PALM2AKAP2: variants seen among roughly 807,000 people sequenced by gnomAD.
PALM2AKAP2 encodes the protein PALM2 and AKAP2 fusion.
Under a neutral mutation model 71.5 loss-of-function variants are expected in PALM2AKAP2, and 37 were observed. That is an observed-to-expected ratio of 0.52 (90% CI 0.40 to 0.68). The LOEUF (loss-of-function observed/expected upper bound fraction) is 0.68, where lower values mean the gene tolerates loss of function less well. Ranked by LOEUF, PALM2AKAP2 falls within the 30% of genes least tolerant of loss-of-function variation. PALM2AKAP2 has a pLI of 0.00. For missense variants in PALM2AKAP2, 1,224 were observed against 1,191.8 expected (o/e 1.03, Z -0.40); for synonymous variants, 468 against 478.8 (o/e 0.98, Z 0.29).
At chr9:110,030,155 A>G (rs1344055876) in intron 7 of PALM2AKAP2, among the ~76,000 whole-genome samples, 3 of 152,244 alleles carry the variant, frequency 2.0e-5, no homozygotes, top group African/African-American at 7.2e-5. Flanking sequence ...AGATGGTTAT[A>G]TACCCTTCTT....
rs138319874 is a variant in PALM2AKAP2 at position 109,773,491 on chromosome 9, A to G, written c.6-6997A>G. ...ACCAGTCAGCATGTCCCTAAGCCCTACTTTTGAAGTATTTTATTTCACTGT... is the reference window on the plus strand; with the variant it reads ...ACCAGTCAGCATGTCCCTAAGCCCTGCTTTTGAAGTATTTTATTTCACTGT... On this transcript the variant is annotated intron_variant, in intron 1 of 6. Coordinates refer to the PALM2AKAP2 transcript ENST00000374531. 4.1e-4 allele frequency among the ~76,000 whole-genome samples: 62 copies of G among 152,268 alleles called. No homozygotes were observed. The East Asian group carries it at 0.011, about 26-fold the overall frequency.
chr9:110,135,164 A>AAAAAAAAAAAAAAAATAT, intron 1 of PALM2AKAP2, among the ~76,000 whole-genome samples: 13 of 51,728 alleles, frequency 2.5e-4, no homozygotes, highest in Admixed American at 4.3e-4. Flanking sequence ...AAAAAAAAAA[A>AAAAAAAAAAAAAAAATAT]ATATATAAAT....
At chr9:109,747,898 T>C (rs1267425111) in intron 1 of PALM2AKAP2, among the ~76,000 whole-genome samples, 2 of 152,340 alleles carry the variant, frequency 1.3e-5, no homozygotes, top group Middle Eastern at 3.4e-3. Context: ...CTTGAACTCC[T>C]GAGCTGAAGC....
rs115747591 is a variant in PALM2AKAP2, at chr9:109,648,838, G to T, written c.5+7972G>T. Among the ~76,000 whole-genome samples the T allele has an allele frequency of 4.0e-3, 604 of 152,268 alleles. 3 individuals are homozygous for T. The highest frequency in any genetic ancestry group is 0.014 in the African/African-American group (579 of 41,544). On this transcript the variant is annotated intron_variant, in intron 1 of 6. Transcript: ENST00000374531. ...GTTAAAAGGGTTTGTTTTCAAACAG[G>T]GCCAAAGTGTATTAAATTCTAAATG...
Position 110,166,700 on chromosome 9 carries a change from A to G in PALM2AKAP2, c.2749-1699A>G, listed in dbSNP as rs564706720. 3.5e-4 allele frequency among the ~76,000 whole-genome samples: 54 copies of G among 152,290 alleles called. 1 individual carries two copies. The highest frequency in any genetic ancestry group is 1.2e-3 in the African/African-American group (49 of 41,568). On this transcript the variant is annotated intron_variant, in intron 3 of 3. Coordinates refer to ENST00000374525, the Ensembl canonical transcript of PALM2AKAP2. ...TTCAGCAAACGTGACTGAGGAGGAA[A>G]AGGGGAGGCTTCACAGAGGAAGATA...
chr9:109,817,809 C>T (rs536834548), intron 1 of PALM2AKAP2, among the ~76,000 whole-genome samples: 1 of 152,294 alleles, frequency 6.6e-6, no homozygotes, highest in Non-Finnish European at 1.5e-5. Flanking sequence ...TCCTGGCCCC[C>T]TCCCTCAATT....
intron 1 of PALM2AKAP2, among the ~76,000 whole-genome samples, chr9:109,840,217 A>C (rs902413107): frequency 4.6e-5 from 7 of 152,146 alleles, no homozygotes; most frequent in Non-Finnish European, 7.4e-5. Flanking sequence ...TACCACACAT[A>C]TGCAACCATC....
intron 6 of PALM2AKAP2, among the ~76,000 whole-genome samples, chr9:109,938,983 C>T (rs1016203134): frequency 7.2e-5 from 11 of 151,970 alleles, no homozygotes; most frequent in Admixed American, 3.3e-4. Flanking sequence ...GAGACAAAGT[C>T]GCACCGCTGC....
intron 1 of PALM2AKAP2, among the ~76,000 whole-genome samples, chr9:109,724,824 T>C (rs1054327278): frequency 6.6e-6 from 1 of 152,248 alleles, no homozygotes; most frequent in African/African-American, 2.4e-5. Context: ...AATAAAATGG[T>C]CTTTCTGCAG....
chr9:110,044,344 C>CTTTCTTTTTTTTTT (rs1447796273), upstream of PALM2AKAP2, among the ~76,000 whole-genome samples: 1 of 80,154 alleles, frequency 1.2e-5, no homozygotes, highest in African/African-American at 5.6e-5. Flanking sequence ...TTCTTTCTTT[C>CTTTCTTTTTTTTTT]TTTTTTTTTT....
chr9:110,084,568 G>T (rs1229543990), intron 1 of PALM2AKAP2, among the ~76,000 whole-genome samples: 1 of 152,008 alleles, frequency 6.6e-6, no homozygotes, highest in Non-Finnish European at 1.5e-5. Flanking sequence ...AATATAGAAT[G>T]GTGTAGTATT....
chr9:109,763,900 A>C (rs1927316), intron 1 of PALM2AKAP2, among the ~76,000 whole-genome samples: 46,911 of 151,914 alleles, frequency 0.31, 7,455 homozygotes, highest in South Asian at 0.41. Flanking sequence ...TCTTATGAAG[A>C]CATTGGTTAT....
intron 6 of PALM2AKAP2, among the ~76,000 whole-genome samples, chr9:109,966,874 T>A (rs1344852937): frequency 6.6e-6 from 1 of 152,220 alleles, no homozygotes; most frequent in East Asian, 1.9e-4. Flanking sequence ...GGTGGTCTGG[T>A]GCCGCGGGTC....
At chr9:109,806,704 G>T (rs1354010741) in intron 1 of PALM2AKAP2, among the ~76,000 whole-genome samples, 2 of 152,200 alleles carry the variant, frequency 1.3e-5, no homozygotes, top group Non-Finnish European at 2.9e-5. Context: ...CCTGAGCTGA[G>T]ATCATACTTA....
Position 109,789,662 on chromosome 9 carries a change from A to G in PALM2AKAP2, c.45+9129A>G, listed in dbSNP as rs148496691. Reference sequence around the variant, plus strand: ...TAAGAGAACGTGGAGACTGTAGGGGATGGGCCACACAGCATGGCGGAGTTT... The same window carrying G: ...TAAGAGAACGTGGAGACTGTAGGGGGTGGGCCACACAGCATGGCGGAGTTT... On this transcript the variant is annotated intron_variant, in intron 1 of 9. Coordinates refer to the PALM2AKAP2 transcript ENST00000302798. Among the ~76,000 whole-genome samples the G allele has an allele frequency of 1.1e-4, 17 of 152,258 alleles. No individual in the cohort carries two copies. The East Asian group carries it at 3.1e-3, about 28-fold the overall frequency.
chr9:109,769,323 G>T (rs1257978725), intron 1 of PALM2AKAP2, among the ~76,000 whole-genome samples: 2 of 152,100 alleles, frequency 1.3e-5, no homozygotes, highest in African/African-American at 4.8e-5. Flanking sequence ...GGTTTTATTG[G>T]CTCAGAGGGC....
chr9:109,762,720 G>T (rs895755452), intron 1 of PALM2AKAP2, among the ~76,000 whole-genome samples: 1 of 152,212 alleles, frequency 6.6e-6, no homozygotes, highest in African/African-American at 2.4e-5. Context: ...CTTTTCAGAA[G>T]TCTCTTGCCT....
At chr9:110,154,734 C>T (rs1836405205) in intron 2 of PALM2AKAP2, among the ~76,000 whole-genome samples, 1 of 152,038 alleles carries the variant, frequency 6.6e-6, no homozygotes, top group African/African-American at 2.4e-5. Flanking sequence ...TGTAATGTGG[C>T]CATGAAATGC....
chr9:109,944,162 T>A (rs1831447600), intron 6 of PALM2AKAP2: 1 of 152,330 alleles, frequency 6.6e-6, no homozygotes, highest in Admixed American at 6.5e-5. Context: ...AGCACCATTT[T>A]AAAATTTCTA....
Sources: allele counts gnomAD v4.1 joint callset (sites outside exome capture counted in the v4.1 genomes callset), GRCh38; gene constraint gnomAD v4.1.1; transcripts MANE v1.5; gene names NCBI Gene and HGNC (gene_info 2026-07-23, HGNC 2026-07-21).